The following ADAM9 variants were observed in gnomAD, a reference collection of about 807,000 sequenced individuals.
The protein encoded by ADAM9 is disintegrin and metalloproteinase domain-containing protein 9.
ADAM9 carries 54 observed loss-of-function variants against 108.1 expected under a neutral mutation model. The observed-to-expected ratio is 0.50, with a 90% confidence interval of 0.40 to 0.63. The LOEUF is 0.63. Ranked by LOEUF, ADAM9 falls within the 20% of genes least tolerant of loss-of-function variation. The probability of loss-of-function intolerance (pLI) is 0.00; values close to 1 mark genes in which losing one functional copy is unlikely to be tolerated. For synonymous variants in ADAM9, 316 were observed against 336.0 expected (o/e 0.94, Z 0.65); for missense variants, 830 against 997.7 (o/e 0.83, Z 2.26).
intron 18 of ADAM9, among the ~76,000 whole-genome samples, chr8:39,083,965 CA>C (rs1839101873): frequency 6.6e-6 from 1 of 152,178 alleles, no homozygotes. Context: ...AGAATTCCCC[CA>C]ATTTCCCCAC....
At chr8:39,048,331 T>C (rs1462249177) in intron 12 of ADAM9, among the ~76,000 whole-genome samples, 1 of 152,252 alleles carries the variant, frequency 6.6e-6, no homozygotes, top group Non-Finnish European at 1.5e-5. Flanking sequence ...TGTTCCACAG[T>C]GTGTTGTTTA....
chr8:39,052,541 T>A (rs1377970751), intron 12 of ADAM9, among the ~76,000 whole-genome samples: 1 of 152,130 alleles, frequency 6.6e-6, no homozygotes, highest in Non-Finnish European at 1.5e-5. Flanking sequence ...TATATATAGA[T>A]CATCATCATA....
At chr8:39,014,840 A>C in intron 4 of ADAM9, 1 of 336,710 alleles carries the variant, frequency 3.0e-6, no homozygotes, top group Admixed American at 4.9e-5. Flanking sequence ...ATTAATTATT[A>C]GTACTTACAA....
intron 21 of ADAM9, 28 bp from the exon 22 acceptor site, chr8:39,103,579 C>CT: frequency 6.3e-7 from 1 of 1,599,688 alleles, no homozygotes; most frequent in Non-Finnish European, 8.6e-7. Flanking sequence ...TCTAAACACT[C>CT]TATTAACTAT....
At chr8:39,003,418 C>CT (rs1489404599) in intron 1 of ADAM9, among the ~76,000 whole-genome samples, 4 of 147,678 alleles carry the variant, frequency 2.7e-5, no homozygotes, top group Non-Finnish European at 4.5e-5. Context: ...TATTAAAGCT[C>CT]TTTTTTTATA....
At chr8:39,019,637 TTTTG>T (rs1433720751) in intron 7 of ADAM9, among the ~76,000 whole-genome samples, 1 of 152,170 alleles carries the variant, frequency 6.6e-6, no homozygotes, top group Non-Finnish European at 1.5e-5. Flanking sequence ...ATTTTTAGTG[TTTTG>T]TTTGACTTTT....
In ADAM9 at chr8:39,021,702, C is replaced by T. The variant is rs1195682831; in HGVS notation, c.732C>T (p.Asn244=). ...GAGAAGAGATGATTCTCCTGGCAAA[C>T]TACTTGGATAGTGTAAGTTGTATTT... The part of the protein sequence containing the change: ...AVREEMILLA[N]YLDSMYIMLN... Residue 244 remains asparagine, a synonymous_variant, in exon 8 of 22, where the codon AAC becomes AAT. Transcript: ENST00000487273. 2 of 1,613,114 alleles carry T rather than the reference C, an allele frequency of 1.2e-6. No homozygotes were observed. Among genetic ancestry groups the T allele is most frequent in the East Asian group, 2.2e-5 (1 of 44,888 alleles).
intron 14 of ADAM9, among the ~76,000 whole-genome samples, chr8:39,069,297 G>A (rs1157074337): frequency 7.9e-5 from 12 of 151,700 alleles, no homozygotes; most frequent in Non-Finnish European, 1.5e-5. Flanking sequence ...GGGAAAATAC[G>A]TGCATGTATT....
Position 39,071,764 on chromosome 8 carries a change from C to T in ADAM9, c.1697+361C>T, listed in dbSNP as rs542423203. Among the ~76,000 whole-genome samples the T allele has an allele frequency of 3.3e-3, 496 of 152,210 alleles. 5 individuals carry two copies. Among genetic ancestry groups the T allele is most frequent in the African/African-American group, 0.011 (476 of 41,534 alleles). ...AGAGGCGTGAGCCACTGTGCCCGGC[C>T]GTCTCTAGTATCTTTTACAACTGCT... On this transcript the variant is annotated intron_variant, in intron 15 of 21. Coordinates refer to ENST00000487273, the MANE Select transcript of ADAM9 (RefSeq NM_003816.3).
rs1372979023 is a variant in ADAM9, at chr8:39,077,424, T to C, written c.1881+13T>C. On this transcript the variant is annotated intron_variant, in intron 16 of 21. Transcript: ENST00000487273. Reference sequence around the variant, plus strand: ...TGGTGCTGGAAAGGTAATCAAAATATTTTTTATTTACAAAGTAAAATGAAA... The same window carrying C: ...TGGTGCTGGAAAGGTAATCAAAATACTTTTTATTTACAAAGTAAAATGAAA... 7 of 1,601,550 alleles carry C rather than the reference T, an allele frequency of 4.4e-6. No homozygotes were observed. Among genetic ancestry groups the C allele is most frequent in the Non-Finnish European group, 6.0e-6 (7 of 1,173,806 alleles).
intron 15 of ADAM9, among the ~76,000 whole-genome samples, chr8:39,074,637 C>T (rs1838796545): frequency 6.6e-6 from 1 of 151,868 alleles, no homozygotes. Context: ...CATAAGTGTC[C>T]TCAAACTGTC....
At chr8:38,998,563 C>G (rs889545462) in intron 1 of ADAM9, among the ~76,000 whole-genome samples, 4 of 152,182 alleles carry the variant, frequency 2.6e-5, no homozygotes, top group Admixed American at 2.0e-4. Flanking sequence ...CAAAGTTTAG[C>G]CACCGTTTAT....
chr8:39,059,852 G>A (rs943432851), intron 14 of ADAM9, among the ~76,000 whole-genome samples: 1 of 152,196 alleles, frequency 6.6e-6, no homozygotes, highest in Non-Finnish European at 1.5e-5. Context: ...TCACCTGATG[G>A]GTAGGAAGTT....
rs1405091513 is a variant in ADAM9, at chr8:39,045,172, GTATATA to G, written c.1302+3057_1302+3062del. ...TATATGTGTATACATACATATATGT[GTATATA>G]TGTGTATACATACATATATGTGTAT... On this transcript the variant is annotated intron_variant, in intron 12 of 21. Coordinates refer to ENST00000487273, the MANE Select transcript of ADAM9 (RefSeq NM_003816.3). Among the ~76,000 whole-genome samples the G allele has an allele frequency of 7.2e-5, 9 of 125,564 alleles. 2 individuals carry two copies. In the South Asian group the frequency reaches 1.1e-3, roughly 15 times the overall value. The allele number at this position is 125,564 out of a possible 152,430, so 82.4% of individuals were successfully genotyped here. A position where few individuals can be genotyped will look rare whatever the true frequency, so the allele number is the denominator to read the frequency against.
chr8:39,037,213 G>A (rs1425418003), intron 11 of ADAM9, among the ~76,000 whole-genome samples: 2 of 149,542 alleles, frequency 1.3e-5, no homozygotes, highest in East Asian at 2.0e-4. Context: ...GCCCGCCACT[G>A]CGCCCGGCTA....
chr8:39,014,814 G>T, intron 4 of ADAM9: 2 of 341,964 alleles, frequency 5.8e-6, no homozygotes, highest in East Asian at 4.5e-5. Context: ...CAAATAGGAG[G>T]CAAAAAAATC....
chr8:39,029,747 G>A lies in ADAM9; in HGVS notation c.1130+2937G>A, dbSNP rs150175405. Among the ~76,000 whole-genome samples the A allele has an allele frequency of 9.9e-5, 15 of 152,270 alleles. No individual in the cohort carries two copies. The East Asian group carries it at 2.9e-3, about 29-fold the overall frequency. The stretch of plus-strand genomic sequence containing the variant: ...CAAATCTCATTTGGTCGGAGGGCCT[G>A]ATGTTTCTGGTGTGTTGTTGAGTTC... On this transcript the variant is annotated intron_variant, in intron 11 of 21. Transcript: ENST00000487273.
intron 16 of ADAM9, among the ~76,000 whole-genome samples, chr8:39,079,436 A>G (rs1473522624): frequency 1.3e-5 from 2 of 151,954 alleles, no homozygotes; most frequent in East Asian, 1.9e-4. Context: ...TATTAGATCC[A>G]TGTATTTTTT....
At chr8:39,057,364 A>G (rs1268346857) in intron 14 of ADAM9, among the ~76,000 whole-genome samples, 2 of 148,558 alleles carry the variant, frequency 1.3e-5, no homozygotes, top group Non-Finnish European at 3.0e-5. Flanking sequence ...TTTACATATA[A>G]TATATTAAAT....
Sources: gnomAD v4.1 joint callset for allele counts (sites outside exome capture counted in the v4.1 genomes callset) on GRCh38, gnomAD v4.1.1 for gene constraint, MANE v1.5 for transcripts, NCBI Gene and HGNC (gene_info 2026-07-23, HGNC 2026-07-21) for gene names.